FBLIM1: variants seen among roughly 807,000 people sequenced by gnomAD.
FBLIM1 encodes the protein filamin-binding LIM protein 1.
Under a neutral mutation model 37.4 loss-of-function variants are expected in FBLIM1, and 29 were observed. The observed-to-expected ratio is 0.77, with a 90% CI of 0.58 to 1.06. The LOEUF is 1.06. Ranked by LOEUF, FBLIM1 falls within the 50% of genes least tolerant of loss-of-function variation. The probability of loss-of-function intolerance (pLI) is 0.00; values close to 1 mark genes in which losing one functional copy is unlikely to be tolerated. For missense variants in FBLIM1, 449 were observed against 505.6 expected (o/e 0.89, Z 1.07); for synonymous variants, 193 against 199.0 (o/e 0.97, Z 0.25).
At chr1:15,779,301 A>C (rs1353870859) in intron 8 of FBLIM1, among the ~76,000 whole-genome samples, 1 of 151,194 alleles carries the variant, frequency 6.6e-6, no homozygotes, top group Non-Finnish European at 1.5e-5. Context: ...GTTTTTATTA[A>C]ATTTTTATTT....
rs2069660024 is a variant in FBLIM1 at position 15,782,146 on chromosome 1, T to TAA, written c.1009-2402_1009-2401insAA. On this transcript the variant is annotated intron_variant, in intron 8 of 8. Transcript: ENST00000375766. ...GGGGAAACTGGTGGGGTGTGGTGGCTCACACCTGTGATCCCAGCACTTTGG... is the reference window on the plus strand; with the variant it reads ...GGGGAAACTGGTGGGGTGTGGTGGCTAACACACCTGTGATCCCAGCACTTTGG... 3.3e-5 allele frequency among the ~76,000 whole-genome samples: 5 copies of TAA among 152,044 alleles called. No homozygotes were observed. The South Asian group carries it at 1.0e-3, about 32-fold the overall frequency.
intron 5 of FBLIM1, among the ~76,000 whole-genome samples, chr1:15,769,922 C>T (rs767172418): frequency 1.4e-4 from 22 of 151,856 alleles, no homozygotes; most frequent in African/African-American, 3.1e-4. Context: ...TGTGAGCCAC[C>T]GCGCCGGGCT....
chr1:15,772,541 A>G (rs1278872392), intron 6 of FBLIM1, among the ~76,000 whole-genome samples: 1 of 152,194 alleles, frequency 6.6e-6, no homozygotes, highest in Non-Finnish European at 1.5e-5. Flanking sequence ...GCCAGGAAGG[A>G]GAGACAGCAT....
intron 7 of FBLIM1, 74 bp downstream of exon 7, chr1:15,774,870 T>C: frequency 6.2e-7 from 1 of 1,613,130 alleles, no homozygotes; most frequent in East Asian, 2.2e-5. Flanking sequence ...GGAGCTGAGC[T>C]TGAGTCCTGG....
chr1:15,758,236 G>A (rs1320162564), upstream of FBLIM1: 1 of 152,254 alleles, frequency 6.6e-6, no homozygotes, highest in Non-Finnish European at 1.5e-5. The surrounding 1 kb of genome is among the most constrained non-coding windows in gnomAD (Gnocchi z 6.2). Context: ...TGAGGCTCAG[G>A]AGGTGGCGTG....
At chr1:15,767,270 C>T in intron 3 of FBLIM1, 106 bp from the exon 4 acceptor site, 1 of 1,043,450 alleles carries the variant, frequency 9.6e-7, no homozygotes, top group Non-Finnish European at 1.4e-6. Context: ...CGGGGTGATC[C>T]CGACCGGGGC....
chr1:15,764,723 C>T (rs954263568), intron 2 of FBLIM1, 38 bp downstream of exon 2: 9 of 530,160 alleles, frequency 1.7e-5, no homozygotes, highest in East Asian at 3.2e-5. Flanking sequence ...TGTGCAGGTT[C>T]GGGGGAGGGG....
In FBLIM1 at chr1:15,767,557, A is replaced by G; in HGVS notation, c.432A>G (p.Pro144=). 1 of 647,660 alleles carries G rather than the reference A, an allele frequency of 1.5e-6. No individual in the cohort carries two copies. Among genetic ancestry groups the G allele is most frequent in the Non-Finnish European group, 2.1e-6 (1 of 487,620 alleles). The allele number at this position is 647,660 out of a possible 1,614,324, so 40.1% of individuals were successfully genotyped here. Residue 144 remains proline (P), a synonymous_variant, in exon 4 of 9, where the codon CCA becomes CCG. Coordinates refer to ENST00000375766, the MANE Select transcript of FBLIM1 (RefSeq NM_017556.4). ...EQLHLSPPPP[P]PQAPAEGPSV... is the part of the protein sequence containing the mutation. ...TGCACCTGTCCCCGCCCCCGCCCCC[A>G]CCACAGGTACTGCCTGCCCCCCGAC...
chr1:15,768,517 C>T lies in FBLIM1; in HGVS notation c.439-11C>T. 4 of 1,545,918 alleles carry T rather than the reference C, an allele frequency of 2.6e-6. No individual in the cohort carries two copies. The highest frequency in any genetic ancestry group is 1.3e-5 in the South Asian group (1 of 79,378). On this transcript the variant is annotated splice_polypyrimidine_tract_variant and intron_variant, in intron 4 of 8. Transcript: ENST00000375766. ...GTCCCACTGGATGACTCCCCGTCTG[C>T]ATCCCCACAGGCCCCAGCGGAGGGA...
At chr1:15,761,791 T>C (rs1209706785) in intron 1 of FBLIM1, among the ~76,000 whole-genome samples, 2 of 152,212 alleles carry the variant, frequency 1.3e-5, no homozygotes, top group African/African-American at 2.4e-5. Context: ...GCACGTGTTA[T>C]TGTTTTTATT....
intron 6 of FBLIM1, among the ~76,000 whole-genome samples, chr1:15,771,305 C>G (rs181949257): frequency 6.7e-6 from 1 of 148,922 alleles, no homozygotes; most frequent in Non-Finnish European, 1.5e-5. Flanking sequence ...GGAGTGCAGT[C>G]GTACAATCTC....
chr1:15,775,484 G>A (rs35495014), intron 7 of FBLIM1, among the ~76,000 whole-genome samples: 85,507 of 149,824 alleles, frequency 0.57, 25,508 homozygotes, highest in East Asian at 0.81. Flanking sequence ...GCAGTGAGCC[G>A]AGATCGCACC....
At chr1:15,760,789 G>A (rs1242994770) in intron 1 of FBLIM1, among the ~76,000 whole-genome samples, 2 of 152,100 alleles carry the variant, frequency 1.3e-5, no homozygotes, top group African/African-American at 4.8e-5. Context: ...TATCTAACTG[G>A]ATCTGTGATT....
chr1:15,767,611 G>A (rs1276804939), intron 4 of FBLIM1, 48 bp downstream of exon 4: 3 of 663,306 alleles, frequency 4.5e-6, no homozygotes, highest in African/African-American at 1.9e-5. Flanking sequence ...CCCCTTGGTT[G>A]GGGCACGGGG....
chr1:15,765,060 T>A lies in FBLIM1; in HGVS notation c.77T>A (p.Val26Glu). ...TLAPPRRDVA[V>E]AEEVRQAVCE... is the part of the protein sequence containing the mutation. The stretch of plus-strand genomic sequence containing the variant: ...GCACCCCCGCGCCGCGATGTGGCCG[T>A]GGCGGAGGAAGTGAGGCAGGCAGTT... Residue 26 changes from valine to glutamate, a missense_variant, in exon 3 of 9, where the codon GTG becomes GAG. Coordinates refer to ENST00000375766, the MANE Select transcript of FBLIM1 (RefSeq NM_017556.4). The surrounding 1 kb of genome is among the most constrained non-coding windows in gnomAD (Gnocchi z 5.9). The A allele has an allele frequency of 6.2e-7, 1 of 1,614,030 alleles. No homozygotes were observed. The highest frequency in any genetic ancestry group is 8.5e-7 in the Non-Finnish European group (1 of 1,179,972).
chr1:15,769,983 G>C (rs1431751616), intron 5 of FBLIM1, among the ~76,000 whole-genome samples: 1 of 151,196 alleles, frequency 6.6e-6, no homozygotes, highest in East Asian at 1.9e-4. Flanking sequence ...GCCTCACTCT[G>C]TTACCCATGC....
intron 5 of FBLIM1, 71 bp downstream of exon 5, chr1:15,768,701 A>G: frequency 7.8e-7 from 1 of 1,278,156 alleles, no homozygotes; most frequent in Middle Eastern, 1.9e-4. Flanking sequence ...GGTAGAAACC[A>G]AGAGAGTGAG....
intron 7 of FBLIM1, chr1:15,775,092 C>T (rs1213380562): frequency 2.7e-5 from 14 of 526,614 alleles, no homozygotes; most frequent in East Asian, 2.0e-4. Flanking sequence ...TGGTGGCGGG[C>T]GCCTGTAGTC....
chr1:15,771,249 G>GTT (rs56244044), intron 6 of FBLIM1, among the ~76,000 whole-genome samples: 14 of 133,652 alleles, frequency 1.0e-4, no homozygotes, highest in African/African-American at 2.5e-4. Flanking sequence ...GTTTTTTTTT[G>GTT]TTTTTTTTTT....
Sources: allele counts gnomAD v4.1 joint callset (sites outside exome capture counted in the v4.1 genomes callset), GRCh38; gene constraint gnomAD v4.1.1; non-coding constraint Gnocchi (gnomAD v3.1); transcripts MANE v1.5; gene names NCBI Gene and HGNC (gene_info 2026-07-23, HGNC 2026-07-21).